The following KAT6A variants were observed in gnomAD, a reference collection of about 807,000 sequenced individuals.
The protein encoded by KAT6A is lysine acetyltransferase 6A, also known as histone acetyltransferase KAT6A.
Under a neutral mutation model 198.4 loss-of-function variants are expected in KAT6A, and 9 were observed. The observed-to-expected ratio is 0.05, with a 90% CI of 0.03 to 0.08. KAT6A has a LOEUF of 0.08. KAT6A is among the 10% of genes least tolerant of loss of function. KAT6A has a pLI of 1.00. For synonymous variants in KAT6A, 890 were observed against 883.0 expected, an observed-to-expected ratio of 1.01 and a Z score of -0.14; for missense variants, 2,077 against 2,509.9, an observed-to-expected ratio of 0.83 and a Z score of 3.69.
At chr8:42,022,525 G>A (rs1025463708) in intron 2 of KAT6A, among the ~76,000 whole-genome samples, 1 of 152,232 alleles carries the variant, frequency 6.6e-6, no homozygotes, top group East Asian at 1.9e-4. Flanking sequence ...GTGAAAGCAT[G>A]TAGTCAAAAG....
At chr8:41,937,137 C>T (rs922111372) in intron 16 of KAT6A, 119 bp downstream of exon 16, 2 of 714,286 alleles carry the variant, frequency 2.8e-6, no homozygotes, top group African/African-American at 3.6e-5. Context: ...GCCAAACGTT[C>T]CTTTTCTTGC....
At position 41,937,472 on chromosome 8, in the gene KAT6A, C is replaced by T. The variant is rs1564007938; in HGVS notation, c.3136G>A (p.Asp1046Asn). Residue 1046 changes from aspartate (D) to asparagine (N), a missense_variant, in exon 16 of 17, where the codon GAT (aspartate) becomes AAT (asparagine). By Grantham distance (23) the Asp-to-Asn change is conservative. Coordinates refer to ENST00000265713, the MANE Select transcript of KAT6A (RefSeq NM_006766.5). ...GAGTCAGAATCTTCAAAAGGTTCAT[C>T]TAACACTTCAGTGGTCTCAGAAATA... The part of the protein sequence containing the change: ...ETISETTEVL[D>N]EPFEDSDSER... 3.1e-6 allele frequency: 5 copies of T among 1,614,200 alleles called. No homozygotes were observed. Among genetic ancestry groups the T allele is most frequent in the Non-Finnish European group, 1.7e-6 (2 of 1,180,022 alleles).
intron 15 of KAT6A, among the ~76,000 whole-genome samples, chr8:41,939,859 T>A (rs1394812099): frequency 6.6e-6 from 1 of 152,116 alleles, no homozygotes; most frequent in Non-Finnish European, 1.5e-5. Context: ...GAACTCTAGT[T>A]ACTGATGTAT....
At chr8:41,946,297 C>T (rs756304296) in intron 12 of KAT6A, among the ~76,000 whole-genome samples, 4 of 151,998 alleles carry the variant, frequency 2.6e-5, no homozygotes, top group African/African-American at 9.7e-5. Context: ...GAGACAGGGT[C>T]TTGCCATGTT....
At chr8:42,036,657 T>C (rs1217835182) in intron 2 of KAT6A, among the ~76,000 whole-genome samples, 2 of 151,044 alleles carry the variant, frequency 1.3e-5, no homozygotes, top group Non-Finnish European at 2.9e-5. Flanking sequence ...TTTGCCAACA[T>C]GATGCAGGAG....
rs1440917207 is a variant in KAT6A, at chr8:41,934,448, T to A, written c.3772A>T (p.Ser1258Cys). The A allele has an allele frequency of 1.9e-6, 3 of 1,607,758 alleles. No homozygotes were observed. Among genetic ancestry groups the A allele is most frequent in the Non-Finnish European group, 2.5e-6 (3 of 1,176,776 alleles). Residue 1258 changes from serine to cysteine, a missense_variant, in exon 17 of 17, where the codon AGC becomes TGC. Ser to Cys is a moderately radical substitution (Grantham distance 112). Transcript: ENST00000265713. ...TTGGTTTCGGTCTCAGGACTATTGC[T>A]GCTGTCTGCTGGAGAGGCTGCTGGG... ...EVPAASPADS[S>C]NSPETETKEP...
chr8:41,932,245 A>G lies in KAT6A; in HGVS notation c.5975T>C (p.Val1992Ala). The G allele has an allele frequency of 6.2e-7, 1 of 1,611,288 alleles. No homozygotes were observed. Among genetic ancestry groups the G allele is most frequent in the Non-Finnish European group, 8.5e-7 (1 of 1,178,672 alleles). Residue 1992 changes from valine (V) to alanine (A), a missense_variant, in exon 17 of 17, where the codon GTG (valine) becomes GCG (alanine). By Grantham distance (64) the Val-to-Ala change is moderately conservative (BLOSUM62 0). Transcript: ENST00000265713. ...SHHSYMNAAGVPKQSLNGPYM... is the reference protein window; with the variant it reads ...SHHSYMNAAGAPKQSLNGPYM... ...AGGTCCGTTGAGTGACTGCTTGGGC[A>G]CGCCAGCAGCGTTCATGTAGCTGTG...
chr8:42,040,735 C>CAAAAAAAAAA (rs59959496), intron 2 of KAT6A, among the ~76,000 whole-genome samples: 15 of 54,650 alleles, frequency 2.7e-4, no homozygotes, highest in East Asian at 4.5e-4. Flanking sequence ...GACTCTGTCT[C>CAAAAAAAAAA]AAAAAAAAAA....
At chr8:41,982,874 C>G (rs1457187650) in intron 3 of KAT6A, among the ~76,000 whole-genome samples, 1 of 152,130 alleles carries the variant, frequency 6.6e-6, no homozygotes, top group Non-Finnish European at 1.5e-5. Context: ...TATGTATGCA[C>G]ATGCACAGGG....
chr8:41,943,259 C>T (rs1318500427), intron 13 of KAT6A, among the ~76,000 whole-genome samples: 1 of 152,218 alleles, frequency 6.6e-6, no homozygotes, highest in Non-Finnish European at 1.5e-5. Flanking sequence ...AGAAGTTCTG[C>T]TGCTCTTCTG....
intron 2 of KAT6A, among the ~76,000 whole-genome samples, chr8:42,027,395 C>T (rs1181957621): frequency 6.6e-6 from 1 of 152,106 alleles, no homozygotes; most frequent in Non-Finnish European, 1.5e-5. Context: ...TAAAATTCAG[C>T]AGGTAGAATT....
chr8:41,947,706 A>G (rs1822465833), intron 11 of KAT6A, 45 bp downstream of exon 11: 1 of 1,493,974 alleles, frequency 6.7e-7, no homozygotes, highest in Non-Finnish European at 9.1e-7. Flanking sequence ...AGATTCTTTC[A>G]GATTTCTATA....
At chr8:42,048,300 T>C in intron 2 of KAT6A, 78 bp downstream of exon 2, 7 of 1,515,970 alleles carry the variant, frequency 4.6e-6, no homozygotes, top group Non-Finnish European at 6.2e-6. Flanking sequence ...AAAACTTGAA[T>C]ATAACTTCCC....
chr8:41,946,294 G>C (rs1248157461), intron 12 of KAT6A, among the ~76,000 whole-genome samples: 1 of 151,812 alleles, frequency 6.6e-6, no homozygotes, highest in Non-Finnish European at 1.5e-5. Flanking sequence ...GTAGAGACAG[G>C]GTCTTGCCAT....
At chr8:42,008,137 A>AC (rs1825840634) in intron 2 of KAT6A, among the ~76,000 whole-genome samples, 1 of 151,732 alleles carries the variant, frequency 6.6e-6, no homozygotes, top group Non-Finnish European at 1.5e-5. Flanking sequence ...GTACTACTTA[A>AC]CCCCCCAAAA....
In KAT6A at chr8:42,049,289, T is replaced by G. The variant is rs992362286; in HGVS notation, c.-312A>C. ...CATTCCCGGCTCCAGAGCAGAAAAATGTGCATCTTATGCCTGAAAAGCAAT... is the reference window on the plus strand; with the variant it reads ...CATTCCCGGCTCCAGAGCAGAAAAAGGTGCATCTTATGCCTGAAAAGCAAT... On this transcript the variant is annotated 5_prime_UTR_variant, in exon 2 of 17. Transcript: ENST00000265713. 3.0e-6 allele frequency: 1 copy of G among 335,782 alleles called. No individual in the cohort carries two copies. The highest frequency in any genetic ancestry group is 8.7e-5 in the South Asian group (1 of 11,468). The allele number at this position is 335,782 out of a possible 1,614,324, so 20.8% of individuals were successfully genotyped here.
Position 42,048,515 on chromosome 8 carries a change from T to A in KAT6A, c.463A>T (p.Ile155Phe), listed in dbSNP as rs780624876. ...QQLRLAIKRA[I>F]GHGRLLKDGP... Reference sequence around the variant, plus strand: ...TCTTTAAGGAGTCTGCCGTGGCCAATGGCACGTTTGATAGCCAATCGTAAC... The same window carrying A: ...TCTTTAAGGAGTCTGCCGTGGCCAAAGGCACGTTTGATAGCCAATCGTAAC... The change falls in exon 2 of 17, where the codon ATT becomes TTT. Residue 155 changes from isoleucine to phenylalanine, a missense_variant. This residue lies in a region of KAT6A where 185 missense variants were observed against 185.7 expected (regional missense o/e 1.00). Coordinates refer to ENST00000265713, the MANE Select transcript of KAT6A (RefSeq NM_006766.5). 6.2e-7 allele frequency: 1 copy of A among 1,614,208 alleles called. No individual in the cohort carries two copies. Among genetic ancestry groups the A allele is most frequent in the South Asian group, 1.1e-5 (1 of 91,084 alleles).
At chr8:42,009,082 T>C (rs1279326597) in intron 2 of KAT6A, among the ~76,000 whole-genome samples, 1 of 152,210 alleles carries the variant, frequency 6.6e-6, no homozygotes, top group African/African-American at 2.4e-5. Flanking sequence ...CACCTTTTAA[T>C]ATCACGCTCT....
chr8:41,981,842 A>C lies in KAT6A; in HGVS notation c.822T>G (p.Asn274Lys). ...TCSSCRDQGK[N>K]ADNMLFCDSC... The stretch of plus-strand genomic sequence containing the variant: ...ATTAGAAGGCAGAGATACTCACCGC[A>C]TTTTTGCCTTGATCTCGACAGGAGC... The change falls in exon 4 of 17, where the codon AAT becomes AAG. Residue 274 changes from asparagine to lysine, a missense_variant. Asn to Lys is a moderately conservative substitution (Grantham distance 94, BLOSUM62 0). Around this residue, in one of 13 missense-constraint regions of KAT6A, gnomAD observed 89 missense variants for 154.4 expected, o/e 0.58. Transcript: ENST00000265713. The C allele has an allele frequency of 1.9e-6, 3 of 1,604,564 alleles. No homozygotes were observed. The highest frequency in any genetic ancestry group is 2.6e-6 in the Non-Finnish European group (3 of 1,171,438).
Sources: allele counts gnomAD v4.1 joint callset (sites outside exome capture counted in the v4.1 genomes callset), GRCh38; gene constraint gnomAD v4.1.1; regional missense constraint gnomAD v4.1.1; transcripts MANE v1.5; gene names NCBI Gene and HGNC (gene_info 2026-07-23, HGNC 2026-07-21).